The following ENTREP1 variants were observed in gnomAD, a reference collection of about 807,000 sequenced individuals.
ENTREP1 encodes the protein endosomal transmembrane epsin interactor 1.
At chr9:69,368,889 G>T in the ENTREP1 span, among the ~76,000 whole-genome samples, 1 of 151,828 alleles carries the variant, frequency 6.6e-6, no homozygotes, top group Non-Finnish European at 1.5e-5. Context: ...GAACGTGCAG[G>T]TTCGTTACAT....
the ENTREP1 span, among the ~76,000 whole-genome samples, chr9:69,363,174 G>A: frequency 2.8e-4 from 43 of 152,042 alleles, no homozygotes; most frequent in Admixed American, 5.9e-4. Context: ...ACTTTTTGGC[G>A]CCCACTGTCT....
chr9:69,332,803 G>C, the ENTREP1 span, among the ~76,000 whole-genome samples: 1 of 152,118 alleles, frequency 6.6e-6, no homozygotes, highest in South Asian at 2.1e-4. Context: ...TCACTCCTGG[G>C]ACTTTTTTCC....
chr9:69,387,042 T>G, the ENTREP1 span: 3 of 152,248 alleles, frequency 2.0e-5, no homozygotes, highest in African/African-American at 7.2e-5. Flanking sequence ...GAACCCCTTC[T>G]CATTCTGCAG....
chr9:69,391,535 G>A, the ENTREP1 span: 20 of 1,306,516 alleles, frequency 1.5e-5, no homozygotes, highest in East Asian at 4.2e-4. Flanking sequence ...GACCTAGGAG[G>A]TAGGTCAAAG....
At chr9:69,381,508 G>T in the ENTREP1 span, 1 of 152,248 alleles carries the variant, frequency 6.6e-6, no homozygotes, top group Non-Finnish European at 1.5e-5. Flanking sequence ...CAGATTCCTG[G>T]GTCCCACGAT....
chr9:69,333,003 T>C, the ENTREP1 span, among the ~76,000 whole-genome samples: 2 of 152,146 alleles, frequency 1.3e-5, no homozygotes, highest in African/African-American at 4.8e-5. Context: ...GCTGTTCCAA[T>C]GCACATGAAG....
the ENTREP1 span, chr9:69,375,987 T>C: frequency 5.0e-6 from 5 of 997,030 alleles, no homozygotes; most frequent in South Asian, 5.7e-5. Context: ...TGAAAGCGCA[T>C]GTGAGTGACC....
chr9:69,330,905 C>T, the ENTREP1 span, among the ~76,000 whole-genome samples: 3 of 152,240 alleles, frequency 2.0e-5, no homozygotes, highest in Non-Finnish European at 4.4e-5. Context: ...CTGGAATACA[C>T]GGGAACCTGT....
At chr9:69,330,005 A>G in the ENTREP1 span, among the ~76,000 whole-genome samples, 4 of 23,656 alleles carry the variant, frequency 1.7e-4, 1 homozygote, top group Non-Finnish European at 7.6e-5. Flanking sequence ...GGAGTTAACT[A>G]GGTTCCACTG....
chr9:69,367,263 G>A, the ENTREP1 span, among the ~76,000 whole-genome samples: 1 of 151,746 alleles, frequency 6.6e-6, no homozygotes, highest in African/African-American at 2.4e-5. Flanking sequence ...GTACCATGCT[G>A]TTTTGGTTAC....
the ENTREP1 span, chr9:69,325,096 G>A: frequency 2.0e-6 from 2 of 985,392 alleles, no homozygotes; most frequent in Non-Finnish European, 2.4e-6. Context: ...GCGGGAGGCG[G>A]ACCCGCCAGG....
chr9:69,359,445 A>AT, the ENTREP1 span, among the ~76,000 whole-genome samples: 2 of 152,102 alleles, frequency 1.3e-5, no homozygotes, highest in Non-Finnish European at 2.9e-5. Flanking sequence ...TCATGGTGGC[A>AT]TTTTTCCTCA....
chr9:69,337,745 A>C, the ENTREP1 span, among the ~76,000 whole-genome samples: 1 of 152,196 alleles, frequency 6.6e-6, no homozygotes, highest in Non-Finnish European at 1.5e-5. Flanking sequence ...TTAATGATAA[A>C]ATAGAGGGTC....
the ENTREP1 span, chr9:69,324,960 C>T: frequency 8.0e-5 from 79 of 985,150 alleles, no homozygotes; most frequent in Middle Eastern, 2.1e-3. Flanking sequence ...TGGGGCAGGG[C>T]ACCCTCCCAG....
At chr9:69,344,726 C>T in the ENTREP1 span, among the ~76,000 whole-genome samples, 1 of 152,104 alleles carries the variant, frequency 6.6e-6, no homozygotes. Context: ...GCACTGTAGC[C>T]CTGGGGCCAC....
the ENTREP1 span, among the ~76,000 whole-genome samples, chr9:69,336,947 C>A: frequency 6.6e-6 from 1 of 151,586 alleles, no homozygotes; most frequent in African/African-American, 2.4e-5. Context: ...ATCCTCCCGC[C>A]TTGGCCTCCC....
At chr9:69,358,729 T>C in the ENTREP1 span, among the ~76,000 whole-genome samples, 12 of 152,284 alleles carry the variant, frequency 7.9e-5, no homozygotes, top group Middle Eastern at 6.8e-3. Flanking sequence ...TGCTCATATT[T>C]AAATAAAAAC....
the ENTREP1 span, chr9:69,387,041 C>T: frequency 6.6e-6 from 1 of 152,266 alleles, no homozygotes; most frequent in African/African-American, 2.4e-5. Flanking sequence ...AGAACCCCTT[C>T]TCATTCTGCA....
chr9:69,325,741 G>T, the ENTREP1 span: 625 of 1,224,430 alleles, frequency 5.1e-4, 2 homozygotes, highest in African/African-American at 7.7e-3. Context: ...CCGCGCGCGC[G>T]CCCCGTTCGC....
Sources: allele counts gnomAD v4.1 joint callset (sites outside exome capture counted in the v4.1 genomes callset), GRCh38; gene constraint gnomAD v4.1.1; transcripts MANE v1.5; gene names NCBI Gene and HGNC (gene_info 2026-07-23, HGNC 2026-07-21).